The following RGR variants were observed in gnomAD, a reference collection of about 807,000 sequenced individuals.
The protein encoded by RGR is RPE-retinal G protein-coupled receptor.
Under a neutral mutation model 28.6 loss-of-function variants are expected in RGR, and 30 were observed. The observed-to-expected ratio is 1.05, with a 90% CI of 0.78 to 1.42. The LOEUF is 1.42. RGR is among the 40% of genes most tolerant of loss of function. The pLI is 0.00. For synonymous variants in RGR, 180 were observed against 156.4 expected, an observed-to-expected ratio of 1.15 and a Z score of -1.13; for missense variants, 404 against 375.6, an observed-to-expected ratio of 1.08 and a Z score of -0.62.
At chr10:84,257,658 A>G (rs923501050) in intron 5 of RGR, among the ~76,000 whole-genome samples, 4 of 152,206 alleles carry the variant, frequency 2.6e-5, no homozygotes, top group African/African-American at 7.2e-5. Flanking sequence ...TTGTCAGGCC[A>G]TTTTACAGAC....
At chr10:84,253,721 C>T (rs933539081) in intron 4 of RGR, among the ~76,000 whole-genome samples, 2 of 152,186 alleles carry the variant, frequency 1.3e-5, no homozygotes, top group Admixed American at 6.5e-5. Context: ...TTCTTGAGAA[C>T]GCTGGGCCTG....
intron 5 of RGR, among the ~76,000 whole-genome samples, chr10:84,256,904 G>C (rs736138): frequency 0.17 from 25,762 of 151,906 alleles, 4,556 homozygotes; most frequent in African/African-American, 0.45. Flanking sequence ...CCGAGACCGC[G>C]TAGCCTCCCC....
Position 84,258,524 on chromosome 10 carries a change from C to A in RGR, c.761C>A (p.Ala254Asp). 6.2e-7 allele frequency: 1 copy of A among 1,614,182 alleles called. No homozygotes were observed. The highest frequency in any genetic ancestry group is 2.2e-5 in the East Asian group (1 of 44,892). The change falls in exon 7 of 7, where the codon GCC becomes GAC. Residue 254 changes from alanine to aspartate, a missense_variant. Transcript: ENST00000652092. The part of the protein sequence containing the change: ...PKLQMVPALI[A>D]KMVPTINAIN... ...CCACAACAGGTGCCCGCCCTCATTGCCAAAATGGTGCCCACGATCAATGCC... is the reference window on the plus strand; with the variant it reads ...CCACAACAGGTGCCCGCCCTCATTGACAAAATGGTGCCCACGATCAATGCC...
At chr10:84,253,078 G>T in intron 4 of RGR, 68 bp downstream of exon 4, 2 of 1,546,622 alleles carry the variant, frequency 1.3e-6, no homozygotes, top group South Asian at 2.3e-5. Context: ...CCTATGACAA[G>T]GGTGCCCCAG....
intron 4 of RGR, among the ~76,000 whole-genome samples, chr10:84,253,847 TC>T (rs1442618729): frequency 6.6e-6 from 1 of 152,154 alleles, no homozygotes; most frequent in African/African-American, 2.4e-5. Flanking sequence ...GGAATCTGTC[TC>T]CCTGGGACTC....
At chr10:84,246,154 T>C (rs1255681350) in intron 1 of RGR, among the ~76,000 whole-genome samples, 1 of 152,264 alleles carries the variant, frequency 6.6e-6, no homozygotes, top group Non-Finnish European at 1.5e-5. Flanking sequence ...GGTTTAAATT[T>C]ACATTTTTAT....
At chr10:84,256,504 A>C (rs1842889816) in intron 5 of RGR, among the ~76,000 whole-genome samples, 1 of 152,164 alleles carries the variant, frequency 6.6e-6, no homozygotes, top group Non-Finnish European at 1.5e-5. Flanking sequence ...GCATGAAAGA[A>C]ACTCTTTTTT....
intron 5 of RGR, among the ~76,000 whole-genome samples, chr10:84,256,059 C>CTTTTTTTTTTTTTTT (rs61441525): frequency 1.8e-5 from 1 of 54,358 alleles, no homozygotes; most frequent in Non-Finnish European, 3.1e-5. Context: ...TTTTTCCTTT[C>CTTTTTTTTTTTTTTT]TTTTTTTTTT....
chr10:84,250,346 G>T (rs1225522521), intron 3 of RGR: 1 of 717,224 alleles, frequency 1.4e-6, no homozygotes. Context: ...AAAATTCACT[G>T]CCCCTCATGG....
rs1842805472 is a variant in RGR, at chr10:84,250,694, G to T, written c.358+1651G>T. ...AAGGCAGGCAAAGGGGAATGAGGAG[G>T]TCTGAATTCATCTACTCCATCCCTG... is the stretch of plus-strand genomic sequence containing the variant. On this transcript the variant is annotated intron_variant, in intron 3 of 6. Coordinates refer to ENST00000652092, the MANE Select transcript of RGR (RefSeq NM_001012720.2). 3 of 462,540 alleles carry T rather than the reference G, an allele frequency of 6.5e-6. No individual in the cohort carries two copies. The East Asian group carries it at 1.1e-4, about 17-fold the overall frequency. 28.7% of individuals were successfully genotyped at this position (462,540 alleles called of 1,614,324 possible).
At chr10:84,257,576 C>T (rs1455901447) in intron 5 of RGR, among the ~76,000 whole-genome samples, 3 of 152,174 alleles carry the variant, frequency 2.0e-5, no homozygotes, top group East Asian at 1.9e-4. Flanking sequence ...CTGTATTTGA[C>T]AAACAAAGAG....
chr10:84,257,222 G>T (rs1019717721), intron 5 of RGR, among the ~76,000 whole-genome samples: 1 of 152,174 alleles, frequency 6.6e-6, no homozygotes, highest in Non-Finnish European at 1.5e-5. Context: ...CGCGAGTCTT[G>T]CGCCCCCTCA....
At chr10:84,251,647 C>T (rs1341144856) in intron 3 of RGR, among the ~76,000 whole-genome samples, 4 of 152,196 alleles carry the variant, frequency 2.6e-5, no homozygotes, top group African/African-American at 9.7e-5. Context: ...TGGGTTCAAG[C>T]AATTCTCCAC....
At chr10:84,258,429 TGACCGGGGTCACC>T in intron 6 of RGR, 66 bp from the exon 7 acceptor site, 6 of 1,610,442 alleles carry the variant, frequency 3.7e-6, no homozygotes, top group African/African-American at 2.7e-5. Flanking sequence ...AGGTGGAGGG[TGACCGGGGTCACC>T]AGGTGAGACC....
chr10:84,248,582 C>A (rs1267314329), intron 2 of RGR: 1 of 412,506 alleles, frequency 2.4e-6, no homozygotes, highest in Non-Finnish European at 4.5e-6. Flanking sequence ...TTCTGTGTGA[C>A]CTTGGCTTCA....
At chr10:84,250,222 A>T (rs1842798035) in intron 3 of RGR, among the ~76,000 whole-genome samples, 1 of 152,182 alleles carries the variant, frequency 6.6e-6, no homozygotes, top group Non-Finnish European at 1.5e-5. Context: ...GAATTTGTCC[A>T]GCACAGAGGC....
chr10:84,249,024 T>C lies in RGR; in HGVS notation c.339T>C (p.Arg113=), dbSNP rs2132878943. Residue 113 remains arginine, a synonymous_variant, in exon 3 of 7, where the codon CGT becomes CGC. Transcript: ENST00000652092. Reference sequence around the variant, plus strand: ...GCAGTGCAGCCATCGCATGGGGGCGTTATCACCACTACTGCACCCGTATGT... The same window carrying C: ...GCAGTGCAGCCATCGCATGGGGGCGCTATCACCACTACTGCACCCGTATGT... The part of the protein sequence containing the change: ...ICSSAAIAWG[R]YHHYCTRSQL... The C allele has an allele frequency of 6.2e-7, 1 of 1,613,906 alleles. No individual in the cohort carries two copies. Among genetic ancestry groups the C allele is most frequent in the Non-Finnish European group, 8.5e-7 (1 of 1,179,894 alleles).
chr10:84,254,901 A>G (rs1842864387), intron 5 of RGR, among the ~76,000 whole-genome samples: 2 of 152,142 alleles, frequency 1.3e-5, no homozygotes, highest in South Asian at 4.1e-4. Flanking sequence ...GCACATGCGC[A>G]TCTCTGAGGA....
chr10:84,247,735 C>T lies in RGR; in HGVS notation c.224C>T (p.Ser75Phe). Reference sequence around the variant, plus strand: ...CTGAATGCCCTCGTTGCAGCCACATCCAGCCTTCTCCGGTACCAGCCCCCT... The same window carrying T: ...CTGAATGCCCTCGTTGCAGCCACATTCAGCCTTCTCCGGTACCAGCCCCCT... Reference protein sequence around the residue: ...ISLNALVAATSSLLRRWPYGS... With the variant: ...ISLNALVAATFSLLRRWPYGS... The change falls in exon 2 of 7, where the codon TCC becomes TTC. Residue 75 changes from serine to phenylalanine, a missense_variant. Transcript: ENST00000652092. The T allele has an allele frequency of 6.2e-7, 1 of 1,614,196 alleles. No individual in the cohort carries two copies. Among genetic ancestry groups the T allele is most frequent in the Non-Finnish European group, 8.5e-7 (1 of 1,180,038 alleles).
Sources: gnomAD v4.1 joint callset for allele counts (sites outside exome capture counted in the v4.1 genomes callset) on GRCh38, gnomAD v4.1.1 for gene constraint, MANE v1.5 for transcripts, NCBI Gene and HGNC (gene_info 2026-07-23, HGNC 2026-07-21) for gene names.